ANKRD17: variants seen among roughly 807,000 people sequenced by gnomAD.
ANKRD17 encodes ankyrin repeat domain 17.
In ANKRD17, 19 loss-of-function variants were observed where a neutral mutation model predicts 229.7. That is an observed-to-expected ratio of 0.08 (90% confidence interval 0.06 to 0.12). The LOEUF (loss-of-function observed/expected upper bound fraction) is 0.12, where lower values mean the gene tolerates loss of function less well. Among genes scored for constraint, ANKRD17 ranks in the 10% least tolerant of loss-of-function variants. The pLI, the probability that ANKRD17 is intolerant of heterozygous loss-of-function variation, is 1.00. For missense variants in ANKRD17, 2,176 were observed against 3,176.8 expected, an observed-to-expected ratio of 0.68 and a Z score of 7.57; for synonymous variants, 1,112 against 1,146.1, an observed-to-expected ratio of 0.97 and a Z score of 0.60.
intron 24 of ANKRD17, chr4:73,113,154 C>T (rs906731807): frequency 8.0e-7 from 1 of 1,247,672 alleles, no homozygotes. Context: ...CAATTATTTT[C>T]CTATGATTAC....
intron 16 of ANKRD17, among the ~76,000 whole-genome samples, chr4:73,132,066 A>G (rs1380836101): frequency 6.6e-6 from 1 of 151,080 alleles, no homozygotes; most frequent in Non-Finnish European, 1.5e-5. Context: ...AAGGATCTTC[A>G]TTTTTAATCA....
intron 29 of ANKRD17, among the ~76,000 whole-genome samples, chr4:73,089,418 A>G (rs1005497559): frequency 3.9e-5 from 6 of 152,176 alleles, no homozygotes; most frequent in African/African-American, 1.4e-4. Flanking sequence ...CATAGACCAT[A>G]GTGTGTCCAT....
chr4:73,196,156 T>C (rs1340473647), intron 1 of ANKRD17, among the ~76,000 whole-genome samples: 1 of 151,958 alleles, frequency 6.6e-6, no homozygotes, highest in Non-Finnish European at 1.5e-5. Flanking sequence ...CCTGCCACCA[T>C]GCCCAGCTTA....
At chr4:73,248,873 T>C (rs1744736331) in intron 1 of ANKRD17, among the ~76,000 whole-genome samples, 1 of 152,006 alleles carries the variant, frequency 6.6e-6, no homozygotes, top group African/African-American at 2.4e-5. Flanking sequence ...CTGTAGGAGT[T>C]AATTCTAGTA....
chr4:73,106,225 C>T (rs1317577709), intron 24 of ANKRD17, among the ~76,000 whole-genome samples: 1 of 151,540 alleles, frequency 6.6e-6, no homozygotes, highest in Non-Finnish European at 1.5e-5. Flanking sequence ...GCCTGGGCAA[C>T]AGAGCAAGAC....
Position 73,247,614 on chromosome 4 carries a change from A to G in ANKRD17, c.393+10662T>C, listed in dbSNP as rs115669055. ...AGAAACAAACATTTGATATACACCA[A>G]CTGTTAGCAGCATTTACTCTAAGAA... On this transcript the variant is annotated intron_variant, in intron 1 of 33. Coordinates refer to ENST00000358602, the MANE Select transcript of ANKRD17 (RefSeq NM_032217.5). Among the ~76,000 whole-genome samples, 434 of 152,070 alleles carry G rather than the reference A, an allele frequency of 2.9e-3. 5 individuals are homozygous for G. The highest frequency in any genetic ancestry group is 0.01 in the African/African-American group (425 of 41,566).
intron 24 of ANKRD17, among the ~76,000 whole-genome samples, chr4:73,110,593 G>A (rs1725193138): frequency 6.6e-6 from 1 of 152,140 alleles, no homozygotes; most frequent in Non-Finnish European, 1.5e-5. Flanking sequence ...CAACTCCAGC[G>A]ATGAAGCCAG....
At chr4:73,224,930 A>G (rs1742311762) in intron 1 of ANKRD17, among the ~76,000 whole-genome samples, 1 of 152,206 alleles carries the variant, frequency 6.6e-6, no homozygotes, top group Non-Finnish European at 1.5e-5. Flanking sequence ...CAGGGCACAC[A>G]GTTATATGCA....
intron 18 of ANKRD17, among the ~76,000 whole-genome samples, chr4:73,122,619 T>C (rs1311789546): frequency 6.6e-6 from 1 of 152,158 alleles, no homozygotes; most frequent in African/African-American, 2.4e-5. Flanking sequence ...CTCAAGATCA[T>C]AGCTCTTACC....
chr4:73,165,266 T>A (rs1379601654), intron 2 of ANKRD17, among the ~76,000 whole-genome samples: 2 of 152,196 alleles, frequency 1.3e-5, no homozygotes, highest in Non-Finnish European at 2.9e-5. Flanking sequence ...GGAGACCAGC[T>A]GAACACTTGT....
At chr4:73,145,513 T>G (rs1388223100) in intron 10 of ANKRD17, among the ~76,000 whole-genome samples, 3 of 152,194 alleles carry the variant, frequency 2.0e-5, no homozygotes, top group African/African-American at 7.2e-5. Context: ...AAAAAGTATC[T>G]TTTGTATGGC....
rs761446604 is a variant in ANKRD17 at position 73,091,871 on chromosome 4, T to C, written c.5757A>G (p.Pro1919=). 2 of 1,614,188 alleles carry C rather than the reference T, an allele frequency of 1.2e-6. No individual in the cohort carries two copies. Among genetic ancestry groups the C allele is most frequent in the Admixed American group, 3.3e-5 (2 of 60,008 alleles). ...PMTHFGGTFP[P]AQSTWGPFPV... is the part of the protein sequence containing the mutation. ...GAAACGGACCCCAAGTGGATTGAGC[T>C]GGTGGAAAAGTACCTCCAAAGTGGG... The change falls in exon 29 of 34, where the codon CCA becomes CCG. Residue 1919 remains proline, a synonymous_variant. Transcript: ENST00000358602.
At chr4:73,105,449 G>C (rs1724499441) in intron 24 of ANKRD17, among the ~76,000 whole-genome samples, 1 of 151,780 alleles carries the variant, frequency 6.6e-6, no homozygotes, top group Non-Finnish European at 1.5e-5. Flanking sequence ...GAACAAATGA[G>C]GCTTCTGAAA....
At chr4:73,196,004 C>CTTT (rs752128086) in intron 1 of ANKRD17, among the ~76,000 whole-genome samples, 28 of 124,592 alleles carry the variant, frequency 2.2e-4, no homozygotes, top group Non-Finnish European at 2.9e-4. Context: ...AACCATGTTT[C>CTTT]TTTTTTTTTT....
chr4:73,100,256 A>G (rs1723805752), intron 25 of ANKRD17, among the ~76,000 whole-genome samples: 4 of 152,142 alleles, frequency 2.6e-5, no homozygotes, highest in Admixed American at 2.6e-4. Flanking sequence ...GGCACATGGC[A>G]GGCTGGGTGA....
chr4:73,125,802 C>T (rs925823290), intron 16 of ANKRD17, among the ~76,000 whole-genome samples: 9 of 150,844 alleles, frequency 6.0e-5, no homozygotes, highest in Admixed American at 1.3e-4. Flanking sequence ...AGCCAACTTG[C>T]GAGTTTTTTA....
chr4:73,147,126 G>GT (rs1430374574), intron 9 of ANKRD17, 115 bp downstream of exon 9: 2 of 1,029,554 alleles, frequency 1.9e-6, no homozygotes, highest in Non-Finnish European at 1.4e-6. Flanking sequence ...TATATCACAC[G>GT]TTTTTTTAAA....
chr4:73,121,971 C>T (rs991068995), intron 18 of ANKRD17, among the ~76,000 whole-genome samples: 20 of 152,052 alleles, frequency 1.3e-4, no homozygotes, highest in Non-Finnish European at 7.4e-5. Flanking sequence ...TGTAGAAATC[C>T]ACTAAAATGC....
At chr4:73,187,299 G>A (rs1736429345) in intron 1 of ANKRD17, among the ~76,000 whole-genome samples, 1 of 152,026 alleles carries the variant, frequency 6.6e-6, no homozygotes, top group African/African-American at 2.4e-5. Flanking sequence ...TCCAAGAAAG[G>A]GGCAGCCTTG....
Sources: allele counts gnomAD v4.1 joint callset (sites outside exome capture counted in the v4.1 genomes callset), GRCh38; gene constraint gnomAD v4.1.1; transcripts MANE v1.5; gene names NCBI Gene and HGNC (gene_info 2026-07-23, HGNC 2026-07-21).